Variants in NAA16 observed in about 807,000 individuals in gnomAD.
NAA16 encodes the protein NARG1-like protein.
In NAA16, 97 loss-of-function variants were observed where a neutral mutation model predicts 110.3. That is an observed-to-expected ratio of 0.88 (90% CI 0.75 to 1.04). The LOEUF (loss-of-function observed/expected upper bound fraction) is 1.04, where lower values mean the gene tolerates loss of function less well. NAA16 is among the 50% of genes least tolerant of loss of function. NAA16 has a pLI of 0.00. For synonymous variants in NAA16, 372 were observed against 330.6 expected, an observed-to-expected ratio of 1.13 and a Z score of -1.36; for missense variants, 1,017 against 1,005.1, an observed-to-expected ratio of 1.01 and a Z score of -0.16.
chr13:41,344,401 T>C (rs1229326075), intron 9 of NAA16, among the ~76,000 whole-genome samples: 5 of 152,252 alleles, frequency 3.3e-5, no homozygotes, highest in Non-Finnish European at 7.3e-5. Context: ...TCTTGGAAAG[T>C]CCTCTTTAGA....
chr13:41,373,849 C>G, intron 18 of NAA16, 69 bp downstream of exon 18: 3 of 1,515,522 alleles, frequency 2.0e-6, no homozygotes, highest in Middle Eastern at 1.8e-4. Flanking sequence ...TTTGACACCC[C>G]CAAAATGTAA....
Position 41,318,886 on chromosome 13 carries a change from C to T in NAA16, c.220C>T (p.Arg74Cys), listed in dbSNP as rs771985523. The change falls in exon 3 of 20, where the codon CGT becomes TGT. Residue 74 changes from arginine (R) to cysteine (C), a missense_variant. Transcript: ENST00000379406. ...EAYEFVRKGL[R>C]NDVKSHVCWH... is the part of the protein sequence containing the mutation. ...TTATGAGTTTGTTCGTAAAGGACTT[C>T]GTAATGATGTCAAGAGTCATGTCTG... The T allele has an allele frequency of 1.1e-5, 18 of 1,600,052 alleles. No homozygotes were observed. The highest frequency in any genetic ancestry group is 4.5e-5 in the East Asian group (2 of 44,404).
intron 3 of NAA16, among the ~76,000 whole-genome samples, chr13:41,319,845 G>A (rs959799142): frequency 1.3e-5 from 2 of 151,772 alleles, no homozygotes; most frequent in Admixed American, 1.3e-4. Context: ...AAAGGGTGGA[G>A]CATTGAAATT....
rs1190413192 is a variant in NAA16, at chr13:41,311,512, C to T, written c.-17C>T. On this transcript the variant is annotated 5_prime_UTR_variant, in exon 1 of 20. Transcript: ENST00000379406. ...CCTAGCCTCCCTGCCGGCCACCTAG[C>T]CTCCCTGCCGGCCACGATGCCGAAC... 12 of 1,593,592 alleles carry T rather than the reference C, an allele frequency of 7.5e-6. No individual in the cohort carries two copies. Among genetic ancestry groups the T allele is most frequent in the South Asian group, 6.8e-5 (6 of 87,946 alleles).
chr13:41,370,544 G>A (rs2043295771), intron 15 of NAA16, among the ~76,000 whole-genome samples: 1 of 152,194 alleles, frequency 6.6e-6, no homozygotes, highest in Admixed American at 6.5e-5. Flanking sequence ...AATAACAGCT[G>A]CCAGTCTTTC....
At chr13:41,334,695 A>G (rs971766370) in intron 8 of NAA16, among the ~76,000 whole-genome samples, 7 of 152,210 alleles carry the variant, frequency 4.6e-5, no homozygotes, top group African/African-American at 1.7e-4. Context: ...GCAGTTGGGT[A>G]GCTGTGTAGG....
intron 5 of NAA16, 71 bp downstream of exon 5, chr13:41,323,261 A>C (rs908080947): frequency 2.7e-6 from 4 of 1,454,658 alleles, no homozygotes; most frequent in Admixed American, 2.0e-5. Flanking sequence ...CCTGCTCTCA[A>C]ATGTGAATTA....
chr13:41,313,409 G>T lies in NAA16; in HGVS notation c.54+1827G>T, dbSNP rs112894813. On this transcript the variant is annotated intron_variant, in intron 1 of 19. Transcript: ENST00000379406. ...TATGTAATGTTTCTGACAAGGTTGC[G>T]TGAATTTAGGAGGATTCTGCATAAA... Among the ~76,000 whole-genome samples, 163 of 152,254 alleles carry T rather than the reference G, an allele frequency of 1.1e-3. 1 individual carries two copies. Among genetic ancestry groups the T allele is most frequent in the African/African-American group, 3.7e-3 (155 of 41,548 alleles).
intron 9 of NAA16, among the ~76,000 whole-genome samples, chr13:41,347,633 C>G (rs1188134191): frequency 1.3e-5 from 2 of 151,922 alleles, no homozygotes; most frequent in East Asian, 3.8e-4. Context: ...TTTATAATTT[C>G]ATTTTTGGAT....
At chr13:41,365,013 C>G (rs2043182602) in intron 13 of NAA16, among the ~76,000 whole-genome samples, 1 of 152,118 alleles carries the variant, frequency 6.6e-6, no homozygotes, top group Non-Finnish European at 1.5e-5. Flanking sequence ...CTGTGAACGG[C>G]TTTTCTTAAT....
intron 17 of NAA16, 47 bp from the exon 18 acceptor site, chr13:41,373,590 A>G: frequency 1.3e-6 from 2 of 1,508,958 alleles, no homozygotes; most frequent in South Asian, 1.3e-5. Context: ...TTTTTTTTTC[A>G]AAGGACAGAT....
chr13:41,315,195 T>C (rs1175078567), intron 1 of NAA16, among the ~76,000 whole-genome samples: 1 of 152,090 alleles, frequency 6.6e-6, no homozygotes, highest in Non-Finnish European at 1.5e-5. Flanking sequence ...GTAGGGGACA[T>C]GTGAGACTTG....
chr13:41,347,802 A>C (rs966733981), intron 9 of NAA16, among the ~76,000 whole-genome samples: 1 of 152,094 alleles, frequency 6.6e-6, no homozygotes, highest in East Asian at 1.9e-4. Context: ...AGATCGTTTT[A>C]CTTCTTTCTT....
Position 41,364,396 on chromosome 13 carries a change from TC to T in NAA16, c.1539+2246del, listed in dbSNP as rs747769348. 3.7e-3 allele frequency among the ~76,000 whole-genome samples: 560 copies of T among 150,572 alleles called. 2 individuals carry two copies. The highest frequency in any genetic ancestry group is 0.011 in the African/African-American group (452 of 41,082). On this transcript the variant is annotated intron_variant, in intron 13 of 19. Coordinates refer to ENST00000379406, the MANE Select transcript of NAA16 (RefSeq NM_024561.5). ...TAGTGTAGTATCTTTTCTGTTTTCATCCCCCCCCCATAAGATTTTAGGGTTT... is the reference window on the plus strand; with the variant it reads ...TAGTGTAGTATCTTTTCTGTTTTCATCCCCCCCCATAAGATTTTAGGGTTT...
chr13:41,332,555 A>G (rs1355121392), intron 8 of NAA16, among the ~76,000 whole-genome samples: 2 of 152,174 alleles, frequency 1.3e-5, no homozygotes, highest in Non-Finnish European at 2.9e-5. Context: ...TTTTTAAAAA[A>G]TTATGTGTTT....
chr13:41,349,118 C>G (rs939582643), intron 9 of NAA16, among the ~76,000 whole-genome samples: 2 of 151,930 alleles, frequency 1.3e-5, no homozygotes, highest in Non-Finnish European at 2.9e-5. Flanking sequence ...TTAATTTTCA[C>G]TTTATTGTGT....
chr13:41,372,599 CA>C, intron 16 of NAA16, 132 bp from the exon 17 acceptor site: 2 of 1,326,700 alleles, frequency 1.5e-6, no homozygotes, highest in Non-Finnish European at 1.9e-6. Flanking sequence ...TAGCCAGAGT[CA>C]ACTTTAATTT....
At chr13:41,323,239 T>G (rs1407178488) in intron 5 of NAA16, 49 bp downstream of exon 5, 1 of 1,565,214 alleles carries the variant, frequency 6.4e-7, no homozygotes, top group Non-Finnish European at 8.8e-7. Context: ...AGTAGTTGAC[T>G]TCTAAATTGT....
chr13:41,345,940 G>C (rs981108292), intron 9 of NAA16, among the ~76,000 whole-genome samples: 3 of 152,174 alleles, frequency 2.0e-5, no homozygotes, highest in Non-Finnish European at 4.4e-5. Flanking sequence ...AATATTTTCT[G>C]TTCTGCTACG....
Sources: allele counts gnomAD v4.1 joint callset (sites outside exome capture counted in the v4.1 genomes callset), GRCh38; gene constraint gnomAD v4.1.1; transcripts MANE v1.5; gene names NCBI Gene and HGNC (gene_info 2026-07-23, HGNC 2026-07-21).